Variants in PAK5 observed in about 807,000 individuals in gnomAD.
The protein encoded by PAK5 is p21 (RAC1) activated kinase 5, also known as serine/threonine-protein kinase PAK 5.
A neutral mutation model predicts 65.9 loss-of-function variants in PAK5; 16 were observed. The observed-to-expected ratio is 0.24, with a 90% CI of 0.16 to 0.37. The LOEUF (loss-of-function observed/expected upper bound fraction) is 0.37, where lower values mean the gene tolerates loss of function less well. Ranked by LOEUF, PAK5 falls within the 10% of genes least tolerant of loss-of-function variation. The pLI is 1.00. For synonymous variants in PAK5, 371 were observed against 354.9 expected (o/e 1.05, Z -0.51); for missense variants, 785 against 903.9 (o/e 0.87, Z 1.69).
Position 9,833,461 on chromosome 20 carries a change from C to T in PAK5, c.-162+5301G>A, listed in dbSNP as rs548860828. Among the ~76,000 whole-genome samples the T allele has an allele frequency of 4.6e-5, 7 of 151,312 alleles. No individual in the cohort carries two copies. In the South Asian group the frequency reaches 1.5e-3, roughly 32 times the overall value. On this transcript the variant is annotated intron_variant, in intron 1 of 9. Transcript: ENST00000353224. ...CACCCACATCTACCACCCACCACCCCCATCCATACCACCTCATCCCACCAC... is the reference window on the plus strand; with the variant it reads ...CACCCACATCTACCACCCACCACCCTCATCCATACCACCTCATCCCACCAC...
At chr20:9,674,501 C>T (rs1362524669) in intron 2 of PAK5, among the ~76,000 whole-genome samples, 1 of 152,172 alleles carries the variant, frequency 6.6e-6, no homozygotes, top group Non-Finnish European at 1.5e-5. Context: ...TAATCTTTGA[C>T]ATTTCTTTGA....
chr20:9,572,492 G>A (rs1424417887), intron 4 of PAK5, among the ~76,000 whole-genome samples: 1 of 152,152 alleles, frequency 6.6e-6, no homozygotes, highest in Non-Finnish European at 1.5e-5. Context: ...TCTTTTCTAT[G>A]ACCTGATTTA....
chr20:9,741,011 G>C (rs779081957), intron 1 of PAK5, among the ~76,000 whole-genome samples: 3 of 152,158 alleles, frequency 2.0e-5, no homozygotes, highest in Non-Finnish European at 4.4e-5. Context: ...TCTTTTCTCT[G>C]TCACCTTAGA....
At chr20:9,641,871 T>C (rs1439237612) in intron 3 of PAK5, among the ~76,000 whole-genome samples, 9 of 152,272 alleles carry the variant, frequency 5.9e-5, no homozygotes, top group Middle Eastern at 3.4e-3. Context: ...CAGGGCTGGC[T>C]GGGTGCTCCG....
chr20:9,771,759 C>T (rs1052406327), intron 1 of PAK5, among the ~76,000 whole-genome samples: 1 of 152,004 alleles, frequency 6.6e-6, no homozygotes, highest in Non-Finnish European at 1.5e-5. Context: ...CTATTGCCAT[C>T]AAGGAACAGT....
At chr20:9,682,085 C>T (rs1221329430) in intron 2 of PAK5, among the ~76,000 whole-genome samples, 5 of 152,236 alleles carry the variant, frequency 3.3e-5, no homozygotes, top group Middle Eastern at 3.4e-3. Context: ...GGGCTGGGCG[C>T]GGTGGCTCAT....
At chr20:9,600,704 C>G (rs1206983477) in intron 3 of PAK5, among the ~76,000 whole-genome samples, 1 of 152,204 alleles carries the variant, frequency 6.6e-6, no homozygotes, top group Non-Finnish European at 1.5e-5. Flanking sequence ...ATCTGCAAAA[C>G]AGGTTGTCAG....
intron 1 of PAK5, among the ~76,000 whole-genome samples, chr20:9,813,662 A>C (rs1001477363): frequency 6.6e-6 from 1 of 152,194 alleles, no homozygotes; most frequent in Non-Finnish European, 1.5e-5. Context: ...AATGAGAATA[A>C]GTGAACTGCA....
At chr20:9,709,975 C>T (rs141894748) in intron 2 of PAK5, among the ~76,000 whole-genome samples, 199 of 152,322 alleles carry the variant, frequency 1.3e-3, no homozygotes, top group African/African-American at 4.5e-3. Context: ...TCTCTGGTAA[C>T]CATTGCTTGA....
At chr20:9,778,846 C>A (rs888825887) in intron 1 of PAK5, among the ~76,000 whole-genome samples, 2 of 152,126 alleles carry the variant, frequency 1.3e-5, no homozygotes, top group Non-Finnish European at 2.9e-5. Context: ...CTCAGGAAAC[C>A]GCAACGTAAG....
intron 1 of PAK5, among the ~76,000 whole-genome samples, chr20:9,831,514 A>AT (rs1007965018): frequency 4.0e-5 from 6 of 151,866 alleles, no homozygotes; most frequent in Non-Finnish European, 7.4e-5. Flanking sequence ...TCATTGACTA[A>AT]TTTTTTTTTC....
At chr20:9,809,840 A>G (rs1350525417) in intron 1 of PAK5, among the ~76,000 whole-genome samples, 1 of 152,152 alleles carries the variant, frequency 6.6e-6, no homozygotes, top group Non-Finnish European at 1.5e-5. Flanking sequence ...TACTACTTGA[A>G]TGGCTGCAAG....
chr20:9,601,398 T>C (rs1391101548), intron 3 of PAK5, among the ~76,000 whole-genome samples: 1 of 152,098 alleles, frequency 6.6e-6, no homozygotes, highest in African/African-American at 2.4e-5. Context: ...ACAAGAAAGT[T>C]CCCCTTTATT....
intron 2 of PAK5, among the ~76,000 whole-genome samples, chr20:9,664,618 G>A (rs2123343723): frequency 6.6e-6 from 1 of 152,226 alleles, no homozygotes; most frequent in East Asian, 1.9e-4. Context: ...ATAACCAAGA[G>A]ATTTGCTGCT....
At chr20:9,763,487 TAC>T (rs1240279494) in intron 1 of PAK5, among the ~76,000 whole-genome samples, 1 of 151,868 alleles carries the variant, frequency 6.6e-6, no homozygotes, top group African/African-American at 2.4e-5. Flanking sequence ...TCCTAACTGA[TAC>T]AGACACATAT....
intron 2 of PAK5, among the ~76,000 whole-genome samples, chr20:9,675,476 T>G (rs58982384): frequency 0.046 from 6,985 of 152,140 alleles, 504 homozygotes; most frequent in African/African-American, 0.16. Context: ...GGATAAAACT[T>G]AACAGGTTAA....
In PAK5 at chr20:9,599,431, T is replaced by C. The variant is rs182125889; in HGVS notation, c.205-18501A>G. On this transcript the variant is annotated intron_variant, in intron 3 of 9. Transcript: ENST00000353224. ...AACCTTCTGAAGAATCAACAAACTGTTTTCCACAGCAGCTGCACCATTTGG... is the reference window on the plus strand; with the variant it reads ...AACCTTCTGAAGAATCAACAAACTGCTTTCCACAGCAGCTGCACCATTTGG... Among the ~76,000 whole-genome samples, 47 of 152,308 alleles carry C rather than the reference T, an allele frequency of 3.1e-4. 1 individual carries two copies. The highest frequency in any genetic ancestry group is 5.4e-4 in the Non-Finnish European group (37 of 68,018).
chr20:9,556,572 G>T (rs1161779189), intron 7 of PAK5, among the ~76,000 whole-genome samples: 2 of 152,194 alleles, frequency 1.3e-5, no homozygotes, highest in Non-Finnish European at 2.9e-5. Flanking sequence ...GTTTCAGGGG[G>T]CTCCGGAGAG....
chr20:9,596,635 CAAAAAAAAAAAAAA>C (rs35576059), intron 3 of PAK5, among the ~76,000 whole-genome samples: 1 of 52,802 alleles, frequency 1.9e-5, no homozygotes, highest in South Asian at 1.1e-3. Context: ...GACTCCGTCT[CAAAAAAAAAAAAAA>C]AAAAAAAAAA....
Sources: allele counts gnomAD v4.1 joint callset (sites outside exome capture counted in the v4.1 genomes callset), GRCh38; gene constraint gnomAD v4.1.1; transcripts MANE v1.5; gene names NCBI Gene and HGNC (gene_info 2026-07-23, HGNC 2026-07-21).